The following ELP4 variants were observed in gnomAD, a reference collection of about 807,000 sequenced individuals.
The protein encoded by ELP4 is elongator complex protein 4.
Under a neutral mutation model 48.9 loss-of-function variants are expected in ELP4, and 51 were observed. That is an observed-to-expected ratio of 1.04 (90% CI 0.83 to 1.32). The LOEUF (loss-of-function observed/expected upper bound fraction) is 1.32, where lower values mean the gene tolerates loss of function less well. ELP4 is among the 40% of genes most tolerant of loss of function. ELP4 has a pLI of 0.00. For missense variants in ELP4, 519 were observed against 514.6 expected, an observed-to-expected ratio of 1.01 and a Z score of -0.08; for synonymous variants, 210 against 189.2, an observed-to-expected ratio of 1.11 and a Z score of -0.90.
chr11:31,697,418 T>G (rs577947652), intron 9 of ELP4, among the ~76,000 whole-genome samples: 16 of 151,950 alleles, frequency 1.1e-4, no homozygotes, highest in South Asian at 6.3e-4. Flanking sequence ...GTTTCTTGGG[T>G]TTTTTTTGAT....
chr11:31,603,658 C>T, intron 4 of ELP4, 110 bp from the exon 5 acceptor site: 2 of 1,140,426 alleles, frequency 1.8e-6, no homozygotes, highest in South Asian at 1.6e-5. Context: ...TCCGTTCTTC[C>T]TTATTAGCTT....
rs573957765 is a variant in ELP4, at chr11:31,729,613, A to G, written c.1144-53780A>G. ...TAGTGGGAAAGCTTTGGGGCTTTCT[A>G]TATGCATAAATGCTTCAGCTGTTTA... On this transcript the variant is annotated intron_variant, in intron 9 of 9. Transcript: ENST00000640961. Among the ~76,000 whole-genome samples the G allele has an allele frequency of 6.6e-5, 10 of 152,320 alleles. No individual in the cohort carries two copies. The South Asian group carries it at 2.1e-3, about 32-fold the overall frequency.
intron 9 of ELP4, among the ~76,000 whole-genome samples, chr11:31,716,570 G>A (rs918139446): frequency 6.6e-6 from 1 of 152,202 alleles, no homozygotes. Context: ...AATACTGTGT[G>A]TAGCCCATCA....
At chr11:31,528,357 G>T (rs988352578) in intron 2 of ELP4, among the ~76,000 whole-genome samples, 6 of 152,094 alleles carry the variant, frequency 3.9e-5, no homozygotes, top group Non-Finnish European at 7.4e-5. Context: ...GAAATATTAT[G>T]ATGGATACAC....
chr11:31,607,769 T>G (rs1957902077), intron 5 of ELP4, among the ~76,000 whole-genome samples: 1 of 152,362 alleles, frequency 6.6e-6, no homozygotes, highest in Middle Eastern at 3.4e-3. Context: ...ATGTTTATCA[T>G]AACAATAACC....
intron 2 of ELP4, among the ~76,000 whole-genome samples, chr11:31,530,255 G>A (rs1032691605): frequency 3.9e-5 from 6 of 152,216 alleles, no homozygotes; most frequent in South Asian, 2.1e-4. Context: ...AAGCAGCTCC[G>A]GATATCATTA....
chr11:31,595,066 A>G (rs943720838), intron 4 of ELP4, among the ~76,000 whole-genome samples, 165 bp downstream of exon 4: 4 of 152,132 alleles, frequency 2.6e-5, no homozygotes, highest in African/African-American at 9.7e-5. Context: ...AATAAAATCT[A>G]TGGTAACTTG....
At chr11:31,605,074 CTTAATCTGTCAGATTTATCTTTCTT>C (rs1471863085) in intron 5 of ELP4, among the ~76,000 whole-genome samples, 1 of 151,996 alleles carries the variant, frequency 6.6e-6, no homozygotes, top group Non-Finnish European at 1.5e-5. Flanking sequence ...TAGAACCAGG[CTTAATCTGTCAGATTTATCTTTCTT>C]TTTTGCTTCA....
intron 3 of ELP4, among the ~76,000 whole-genome samples, chr11:31,588,506 A>C (rs190980283): frequency 4.9e-4 from 75 of 152,324 alleles, no homozygotes; most frequent in African/African-American, 1.8e-3. Context: ...ATGGGTGGGA[A>C]ATAGTAACTG....
chr11:31,516,148 A>T (rs990499757), intron 1 of ELP4, among the ~76,000 whole-genome samples: 4 of 152,066 alleles, frequency 2.6e-5, no homozygotes, highest in African/African-American at 9.7e-5. Flanking sequence ...TGTCTGTCCC[A>T]GTGGAGGCCT....
At chr11:31,642,181 T>C (rs1245927501) in intron 7 of ELP4, among the ~76,000 whole-genome samples, 17 of 151,996 alleles carry the variant, frequency 1.1e-4, no homozygotes, top group Admixed American at 9.8e-4. Context: ...TTTCAGAATA[T>C]GTAAGTTTTT....
intron 3 of ELP4, among the ~76,000 whole-genome samples, chr11:31,579,079 A>C (rs1307746180): frequency 6.6e-6 from 1 of 152,242 alleles, no homozygotes; most frequent in East Asian, 1.9e-4. Flanking sequence ...CAAAGAGCTT[A>C]AACAAATTTA....
At chr11:31,578,904 A>G (rs1046574528) in intron 3 of ELP4, among the ~76,000 whole-genome samples, 72 of 152,236 alleles carry the variant, frequency 4.7e-4, no homozygotes, top group Non-Finnish European at 9.3e-4. Context: ...CTAAAACACC[A>G]AAAGCAATGA....
chr11:31,631,427 TG>T (rs1944858902), intron 6 of ELP4, among the ~76,000 whole-genome samples: 1 of 152,174 alleles, frequency 6.6e-6, no homozygotes, highest in Non-Finnish European at 1.5e-5. Context: ...CTTCTTCTTT[TG>T]CCCAGAAATT....
chr11:31,749,198 A>G (rs142623739), intron 9 of ELP4, among the ~76,000 whole-genome samples: 1 of 152,246 alleles, frequency 6.6e-6, no homozygotes, highest in Non-Finnish European at 1.5e-5. Flanking sequence ...AACAGCATTT[A>G]GTAAACATTA....
rs1957825982 is a variant in ELP4, at chr11:31,603,887, A to G, written c.633A>G (p.Ser211=). 4 of 1,611,654 alleles carry G rather than the reference A, an allele frequency of 2.5e-6. No individual in the cohort carries two copies. The highest frequency in any genetic ancestry group is 3.4e-6 in the Non-Finnish European group (4 of 1,178,378). The change falls in exon 5 of 10, where the codon TCA becomes TCG. Residue 211 remains serine, a synonymous_variant. Transcript: ENST00000640961. ...TTTTTCTTCCAGAGAAAATATCTTCAACTCTCAAAGTAGAACCCTGGTAAG... is the reference window on the plus strand; with the variant it reads ...TTTTTCTTCCAGAGAAAATATCTTCGACTCTCAAAGTAGAACCCTGGTAAG... The part of the protein sequence containing the change: ...HGFFLPEKIS[S]TLKVEPCSLT...
intron 3 of ELP4, among the ~76,000 whole-genome samples, chr11:31,562,564 A>G (rs1433594307): frequency 2.6e-5 from 4 of 152,160 alleles, no homozygotes; most frequent in Non-Finnish European, 4.4e-5. Flanking sequence ...ATTATTGTCA[A>G]TACCTTAACT....
At chr11:31,691,090 ACCTATTTTGT>A (rs1306917657) in intron 9 of ELP4, among the ~76,000 whole-genome samples, 1 of 151,850 alleles carries the variant, frequency 6.6e-6, no homozygotes, top group Non-Finnish European at 1.5e-5. Flanking sequence ...TTTTCAGAAT[ACCTATTTTGT>A]TATGTACCTT....
chr11:31,547,184 A>G (rs1956743247), intron 3 of ELP4, among the ~76,000 whole-genome samples: 1 of 152,212 alleles, frequency 6.6e-6, no homozygotes, highest in African/African-American at 2.4e-5. Flanking sequence ...TCAAAAAATT[A>G]GTGAATCCAG....
Sources: allele counts gnomAD v4.1 joint callset (sites outside exome capture counted in the v4.1 genomes callset), GRCh38; gene constraint gnomAD v4.1.1; transcripts MANE v1.5; gene names NCBI Gene and HGNC (gene_info 2026-07-23, HGNC 2026-07-21).